Variants in RBX1 observed in about 807,000 individuals in gnomAD.
RBX1 encodes ring-box 1, also known as E3 ubiquitin-protein ligase RBX1.
For synonymous variants in RBX1, 48 were observed against 47.9 expected, an observed-to-expected ratio of 1.00 and a Z score of -0.01; for missense variants, 46 against 141.4, an observed-to-expected ratio of 0.33 and a Z score of 3.42.
Position 40,972,979 on chromosome 22 carries a change from C to T in RBX1, c.*491C>T, listed in dbSNP as rs779417049. 6.3e-6 allele frequency: 1 copy of T among 158,426 alleles called. No homozygotes were observed. 9.8% of individuals were successfully genotyped at this position (158,426 alleles called of 1,614,324 possible). A position where few individuals can be genotyped will look rare whatever the true frequency, so the allele number is the denominator to read the frequency against. ...GGTTCCACAGCTTGGGTACTGATGG[C>T]AATCTTGGCCAAGTTGTCTCTCTAC... On this transcript the variant is annotated 3_prime_UTR_variant, in exon 5 of 5. Transcript: ENST00000216225.
Position 40,951,479 on chromosome 22 carries a change from T to C in RBX1, c.78+3T>C. The C allele has an allele frequency of 6.2e-7, 1 of 1,612,800 alleles. No homozygotes were observed. Among genetic ancestry groups the C allele is most frequent in the Non-Finnish European group, 8.5e-7 (1 of 1,179,378 alleles). ...AGAAGCGCTTTGAAGTGAAAAAGGTTGGGTCTCGCCAGCGCCTTCCTCAGG... is the reference window on the plus strand; with the variant it reads ...AGAAGCGCTTTGAAGTGAAAAAGGTCGGGTCTCGCCAGCGCCTTCCTCAGG... On this transcript the variant is annotated splice_donor_region_variant and intron_variant, in intron 1 of 4. Transcript: ENST00000216225.
chr22:40,966,100 A>G (rs1323411589), intron 3 of RBX1: 1 of 152,164 alleles, frequency 6.6e-6, no homozygotes, highest in Admixed American at 6.6e-5. Flanking sequence ...TCTGGGTTTC[A>G]GTTTCCTGTC....
intron 2 of RBX1, among the ~76,000 whole-genome samples, chr22:40,959,230 T>A (rs1007513000): frequency 6.6e-6 from 1 of 152,182 alleles, no homozygotes; most frequent in African/African-American, 2.4e-5. Context: ...CCAAGCTTTA[T>A]AAATCACATG....
At position 40,972,589 on chromosome 22, in the gene RBX1, G is replaced by T; in HGVS notation, c.*101G>T. 1.0e-6 allele frequency: 1 copy of T among 1,004,762 alleles called. No homozygotes were observed. Among genetic ancestry groups the T allele is most frequent in the Non-Finnish European group, 1.5e-6 (1 of 646,672 alleles). 62.2% of individuals were successfully genotyped at this position (1,004,762 alleles called of 1,614,324 possible). On this transcript the variant is annotated 3_prime_UTR_variant, in exon 5 of 5. Coordinates refer to ENST00000216225, the MANE Select transcript of RBX1 (RefSeq NM_014248.4). The stretch of plus-strand genomic sequence containing the variant: ...ATTGGATGGAACTGTGTTTTTTTCT[G>T]CTTTGTTTTTTCAGTTTGCTGTTTC...
chr22:40,964,214 A>C (rs2058348173), intron 3 of RBX1, 97 bp downstream of exon 3: 1 of 881,564 alleles, frequency 1.1e-6, no homozygotes, highest in Non-Finnish European at 1.9e-6. Flanking sequence ...AAAAATGACT[A>C]GTCCACCTTT....
chr22:40,958,112 G>A (rs143083294), intron 2 of RBX1, among the ~76,000 whole-genome samples: 1 of 152,010 alleles, frequency 6.6e-6, no homozygotes, highest in African/African-American at 2.4e-5. Context: ...GTGAGCCACC[G>A]CATCTAGCTG....
At chr22:40,962,827 G>T (rs1291033189) in intron 2 of RBX1, among the ~76,000 whole-genome samples, 1 of 151,196 alleles carries the variant, frequency 6.6e-6, no homozygotes, top group Admixed American at 6.6e-5. Flanking sequence ...TGAGTAGCTG[G>T]GACTACAGGC....
chr22:40,966,791 T>G (rs920061598), intron 3 of RBX1: 2 of 152,214 alleles, frequency 1.3e-5, no homozygotes, highest in Admixed American at 6.6e-5. Context: ...TGTTGTTTTG[T>G]TAGGGTGAGT....
chr22:40,959,033 C>CT (rs965625431), intron 2 of RBX1, among the ~76,000 whole-genome samples: 2 of 152,148 alleles, frequency 1.3e-5, no homozygotes, highest in African/African-American at 4.8e-5. Context: ...AGTCTGGTCT[C>CT]TTTAACTCCT....
At position 40,952,637 on chromosome 22, in the gene RBX1, C is replaced by CT. The variant is rs577924288; in HGVS notation, c.79-916dup. ...TGAATGAATGAAATTCTGTTAAACTCTTACTGGAATTATTATCTTAATAGA... is the reference window on the plus strand; with the variant it reads ...TGAATGAATGAAATTCTGTTAAACTCTTTACTGGAATTATTATCTTAATAGA... On this transcript the variant is annotated intron_variant, in intron 1 of 4. Transcript: ENST00000216225. Among the ~76,000 whole-genome samples, 271 of 152,246 alleles carry CT rather than the reference C, an allele frequency of 1.8e-3. 2 individuals are homozygous for CT. The highest frequency in any genetic ancestry group is 3.2e-3 in the Non-Finnish European group (220 of 68,016).
chr22:40,962,090 GGTTTGTTT>G (rs537349410), intron 2 of RBX1, among the ~76,000 whole-genome samples: 4 of 151,646 alleles, frequency 2.6e-5, no homozygotes, highest in South Asian at 2.1e-4. Context: ...AGCCTTTTAT[GGTTTGTTT>G]GTTTGTTTGT....
chr22:40,968,439 A>G (rs995962603), intron 4 of RBX1, among the ~76,000 whole-genome samples: 4 of 152,102 alleles, frequency 2.6e-5, no homozygotes, highest in Non-Finnish European at 4.4e-5. Flanking sequence ...GTGATAATCT[A>G]TGAACTCTTA....
intron 1 of RBX1, among the ~76,000 whole-genome samples, chr22:40,951,982 C>T (rs2058312318): frequency 1.3e-5 from 2 of 152,270 alleles, no homozygotes; most frequent in South Asian, 4.1e-4. Context: ...GAGGGGTCCT[C>T]TCACTTGGAG....
intron 4 of RBX1, among the ~76,000 whole-genome samples, chr22:40,971,061 G>A (rs2058367767): frequency 6.6e-6 from 1 of 152,146 alleles, no homozygotes; most frequent in Non-Finnish European, 1.5e-5. Flanking sequence ...ATAGTTTTCA[G>A]GGGGCCTTTG....
intron 4 of RBX1, among the ~76,000 whole-genome samples, chr22:40,968,085 C>CTTTTTTTTT (rs938566744): frequency 9.0e-6 from 1 of 111,208 alleles, no homozygotes; most frequent in Non-Finnish European, 1.8e-5. Context: ...GTTTCCCAAC[C>CTTTTTTTTT]TTTTTTTTTT....
chr22:40,965,437 T>G (rs2058351610), intron 3 of RBX1, among the ~76,000 whole-genome samples: 1 of 151,836 alleles, frequency 6.6e-6, no homozygotes, highest in African/African-American at 2.4e-5. Context: ...TTTTTTTGTT[T>G]TTTGTTTTTT....
chr22:40,969,018 A>C (rs967774871), intron 4 of RBX1, among the ~76,000 whole-genome samples: 2 of 151,830 alleles, frequency 1.3e-5, no homozygotes, highest in African/African-American at 2.4e-5. Flanking sequence ...ATATTTTTTA[A>C]AAAGTCAGTC....
intron 1 of RBX1, 106 bp downstream of exon 1, chr22:40,951,582 G>C: frequency 2.8e-6 from 3 of 1,078,050 alleles, no homozygotes; most frequent in Non-Finnish European, 1.3e-6. Flanking sequence ...ATTTCAGGGC[G>C]TTCCTGGGAC....
chr22:40,967,238 G>A (rs1176875523), intron 3 of RBX1: 1 of 152,204 alleles, frequency 6.6e-6, no homozygotes, highest in Admixed American at 6.6e-5. Flanking sequence ...AATAAATCTA[G>A]AAATAAAGTT....
Sources: allele counts gnomAD v4.1 joint callset (sites outside exome capture counted in the v4.1 genomes callset), GRCh38; gene constraint gnomAD v4.1.1; transcripts MANE v1.5; gene names NCBI Gene and HGNC (gene_info 2026-07-23, HGNC 2026-07-21).